PITPNC1: variants seen among roughly 807,000 people sequenced by gnomAD.
The protein encoded by PITPNC1 is cytoplasmic phosphatidylinositol transfer protein 1.
PITPNC1 carries 18 observed loss-of-function variants against 44.7 expected under a neutral mutation model. The observed-to-expected ratio is 0.40, with a 90% CI of 0.28 to 0.60. The LOEUF (loss-of-function observed/expected upper bound fraction) is 0.60, where lower values mean the gene tolerates loss of function less well. Among genes scored for constraint, PITPNC1 ranks in the 20% least tolerant of loss-of-function variants. The pLI, the probability that PITPNC1 is intolerant of heterozygous loss-of-function variation, is 0.39. For missense variants in PITPNC1, 290 were observed against 418.4 expected (o/e 0.69, Z 2.68); for synonymous variants, 141 against 149.6 (o/e 0.94, Z 0.42).
chr17:67,664,839 A>G (rs1222526989), intron 6 of PITPNC1, among the ~76,000 whole-genome samples: 1 of 150,996 alleles, frequency 6.6e-6, no homozygotes, highest in Non-Finnish European at 1.5e-5. Flanking sequence ...CAGAAGGCGG[A>G]GATTGCAGTG....
intron 1 of PITPNC1, among the ~76,000 whole-genome samples, chr17:67,475,304 G>C (rs1251743681): frequency 6.6e-6 from 1 of 152,166 alleles, no homozygotes; most frequent in African/African-American, 2.4e-5. Context: ...TCTTCTCATA[G>C]GTTAATTTCT....
chr17:67,604,429 G>C lies in PITPNC1; in HGVS notation c.366+26172G>C, dbSNP rs547475480. The stretch of plus-strand genomic sequence containing the variant: ...AGATTCTCAGAGAAAGAGGATCTGC[G>C]TAGGAACACCAGAGAGATTGGCCTC... On this transcript the variant is annotated intron_variant, in intron 5 of 8. Transcript: ENST00000581322. 2.0e-5 allele frequency among the ~76,000 whole-genome samples: 3 copies of C among 152,282 alleles called. No homozygotes were observed. The South Asian group carries it at 6.2e-4, about 32-fold the overall frequency.
At chr17:67,568,681 A>T (rs2041013283) in intron 4 of PITPNC1, among the ~76,000 whole-genome samples, 2 of 151,584 alleles carry the variant, frequency 1.3e-5, no homozygotes, top group East Asian at 3.9e-4. Flanking sequence ...TGGGGGGAAA[A>T]GGGGGAAACA....
intron 2 of PITPNC1, among the ~76,000 whole-genome samples, chr17:67,543,226 C>G (rs1436621094): frequency 6.6e-6 from 1 of 152,196 alleles, no homozygotes; most frequent in Non-Finnish European, 1.5e-5. Flanking sequence ...CTCATCACCC[C>G]CTACCTCTGC....
intron 1 of PITPNC1, among the ~76,000 whole-genome samples, chr17:67,408,511 C>T (rs1375354235): frequency 6.6e-6 from 1 of 152,118 alleles, no homozygotes; most frequent in Non-Finnish European, 1.5e-5. Context: ...GCCTGGACGA[C>T]AGAGTGAGAC....
intron 1 of PITPNC1, among the ~76,000 whole-genome samples, chr17:67,435,659 T>A (rs1473157701): frequency 1.3e-5 from 2 of 152,128 alleles, no homozygotes; most frequent in African/African-American, 4.8e-5. Context: ...CGAGATCAGC[T>A]TGACCAACAT....
At chr17:67,425,267 G>GCACACACACACACACA (rs2038746059) in intron 1 of PITPNC1, among the ~76,000 whole-genome samples, 1 of 85,224 alleles carries the variant, frequency 1.2e-5, no homozygotes, top group South Asian at 3.8e-4. Context: ...ACACACAGAG[G>GCACACACACACACACA]GAGAGAGAGA....
intron 7 of PITPNC1, among the ~76,000 whole-genome samples, chr17:67,671,075 A>G (rs113272995): frequency 0.011 from 1,679 of 152,166 alleles, 38 homozygotes; most frequent in African/African-American, 0.039. Flanking sequence ...TTTAGTAGAG[A>G]TGGAGTTTCA....
At chr17:67,643,693 C>T (rs1331961194) in intron 6 of PITPNC1, among the ~76,000 whole-genome samples, 1 of 152,200 alleles carries the variant, frequency 6.6e-6, no homozygotes, top group Non-Finnish European at 1.5e-5. Flanking sequence ...GAGTCCCTCC[C>T]TCCCTTCCAA....
rs372333610 is a variant in PITPNC1 at position 67,602,276 on chromosome 17, A to AGAGC, written c.366+24020_366+24023dup. On this transcript the variant is annotated intron_variant, in intron 5 of 8. Coordinates refer to ENST00000581322, the MANE Select transcript of PITPNC1 (RefSeq NM_012417.4). ...TCCAGTGAAGACTCTTGGGAATTGG[A>AGAGC]GAGCTTGGTGAGGTCAAGGAGAAAG... is the stretch of plus-strand genomic sequence containing the variant. 2.7e-3 allele frequency among the ~76,000 whole-genome samples: 418 copies of AGAGC among 152,292 alleles called. 5 individuals are homozygous for AGAGC. The highest frequency in any genetic ancestry group is 9.8e-3 in the African/African-American group (406 of 41,568).
intron 5 of PITPNC1, among the ~76,000 whole-genome samples, chr17:67,589,282 A>G (rs992473593): frequency 2.6e-5 from 4 of 152,258 alleles, no homozygotes; most frequent in Non-Finnish European, 5.9e-5. Flanking sequence ...TCTCAGAGGT[A>G]TAGTGACAAC....
chr17:67,682,782 G>C (rs1323956639), intron 8 of PITPNC1, among the ~76,000 whole-genome samples: 1 of 152,204 alleles, frequency 6.6e-6, no homozygotes, highest in Non-Finnish European at 1.5e-5. Flanking sequence ...TTTAGGAAGA[G>C]TAAATTATGA....
rs555488253 is a variant in PITPNC1, at chr17:67,598,990, T to G, written c.366+20733T>G. Among the ~76,000 whole-genome samples the G allele has an allele frequency of 2.3e-3, 257 of 110,146 alleles. 7 individuals carry two copies. Among genetic ancestry groups the G allele is most frequent in the Non-Finnish European group, 2.6e-3 (140 of 52,972 alleles). 72.3% of individuals were successfully genotyped at this position (110,146 alleles called of 152,430 possible). The stretch of plus-strand genomic sequence containing the variant: ...TCTTGGACTTCTCAGCCCCCAAAAC[T>G]ATAAGAAATACATATATATATATAT... On this transcript the variant is annotated intron_variant, in intron 5 of 8. Transcript: ENST00000581322.
chr17:67,531,409 G>A (rs751441237), intron 1 of PITPNC1, among the ~76,000 whole-genome samples: 5 of 152,184 alleles, frequency 3.3e-5, no homozygotes, highest in South Asian at 2.1e-4. Context: ...GGAGAGGGGC[G>A]TGGCACAGAT....
chr17:67,567,989 G>GGAGAA (rs1344927089), intron 4 of PITPNC1, among the ~76,000 whole-genome samples: 2 of 151,684 alleles, frequency 1.3e-5, no homozygotes, highest in African/African-American at 2.4e-5. Context: ...AAGAAAGAAA[G>GGAGAA]GAGAAGAGAA....
chr17:67,665,043 T>TAGCCAC (rs2042402736), intron 6 of PITPNC1, among the ~76,000 whole-genome samples: 2 of 152,196 alleles, frequency 1.3e-5, no homozygotes, highest in African/African-American at 4.8e-5. Context: ...TTGTGGCTAT[T>TAGCCAC]ATGAATTAGA....
chr17:67,381,315 A>G (rs1240139577), intron 1 of PITPNC1, among the ~76,000 whole-genome samples: 1 of 145,686 alleles, frequency 6.9e-6, no homozygotes, highest in African/African-American at 2.6e-5. Flanking sequence ...GCGACAGAAC[A>G]AGACTCCACT....
At chr17:67,586,318 A>G (rs1345051129) in intron 5 of PITPNC1, among the ~76,000 whole-genome samples, 2 of 151,692 alleles carry the variant, frequency 1.3e-5, no homozygotes, top group Non-Finnish European at 2.9e-5. Context: ...GGCTGGGTAC[A>G]GTGGCTTATT....
chr17:67,643,213 C>T (rs2042109569), intron 6 of PITPNC1, among the ~76,000 whole-genome samples: 1 of 152,144 alleles, frequency 6.6e-6, no homozygotes, highest in Admixed American at 6.5e-5. Flanking sequence ...CATGGCAAAA[C>T]CCTGTCTACT....
Sources: allele counts gnomAD v4.1 joint callset (sites outside exome capture counted in the v4.1 genomes callset), GRCh38; gene constraint gnomAD v4.1.1; transcripts MANE v1.5; gene names NCBI Gene and HGNC (gene_info 2026-07-23, HGNC 2026-07-21).